Variants in SH3RF3 observed in about 807,000 individuals in gnomAD.
SH3RF3 encodes SH3 domain containing ring finger 3.
Under a neutral mutation model 66.3 loss-of-function variants are expected in SH3RF3, and 29 were observed. The observed-to-expected ratio is 0.44, with a 90% CI of 0.33 to 0.60. The LOEUF (loss-of-function observed/expected upper bound fraction) is 0.60, where lower values mean the gene tolerates loss of function less well. Ranked by LOEUF, SH3RF3 falls within the 20% of genes least tolerant of loss-of-function variation. The probability of loss-of-function intolerance (pLI) is 0.04; values close to 1 mark genes in which losing one functional copy is unlikely to be tolerated. For synonymous variants in SH3RF3, 583 were observed against 532.0 expected (o/e 1.10, Z -1.32); for missense variants, 1,194 against 1,190.9 (o/e 1.00, Z -0.04).
chr2:109,360,678 A>G (rs534469643), intron 2 of SH3RF3, among the ~76,000 whole-genome samples: 4 of 152,338 alleles, frequency 2.6e-5, no homozygotes, highest in Non-Finnish European at 4.4e-5. Flanking sequence ...GTATCCTGCA[A>G]CCTTGCTATA....
At chr2:109,387,189 T>C (rs182596889) in intron 3 of SH3RF3, among the ~76,000 whole-genome samples, 69 of 152,348 alleles carry the variant, frequency 4.5e-4, no homozygotes, top group African/African-American at 1.6e-3. Flanking sequence ...GATTGCGCTG[T>C]ATCAGTATTT....
At chr2:109,392,035 C>T (rs780687429) in intron 3 of SH3RF3, among the ~76,000 whole-genome samples, 2 of 151,990 alleles carry the variant, frequency 1.3e-5, no homozygotes, top group Non-Finnish European at 2.9e-5. Context: ...AGGCTGATCT[C>T]GAACTCCTGG....
intron 1 of SH3RF3, among the ~76,000 whole-genome samples, chr2:109,147,042 T>C (rs1677117763): frequency 6.6e-6 from 1 of 152,018 alleles, no homozygotes; most frequent in African/African-American, 2.4e-5. Flanking sequence ...AAGTAGAGGC[T>C]CTGCCCTCCC....
intron 8 of SH3RF3, among the ~76,000 whole-genome samples, chr2:109,476,495 A>G (rs1368114861): frequency 6.6e-6 from 1 of 152,242 alleles, no homozygotes; most frequent in Non-Finnish European, 1.5e-5. Context: ...CTAGAACCCA[A>G]GATATTTGGA....
At chr2:109,271,348 C>G (rs1282529374) in intron 1 of SH3RF3, among the ~76,000 whole-genome samples, 2 of 152,172 alleles carry the variant, frequency 1.3e-5, no homozygotes, top group South Asian at 2.1e-4. Flanking sequence ...CCAGGAGGAA[C>G]CTAGAGGGAT....
At chr2:109,414,335 A>G (rs1676669110) in intron 4 of SH3RF3, among the ~76,000 whole-genome samples, 1 of 152,120 alleles carries the variant, frequency 6.6e-6, no homozygotes, top group East Asian at 1.9e-4. Context: ...CCACAACCCC[A>G]TCTTCTCATG....
intron 2 of SH3RF3, among the ~76,000 whole-genome samples, chr2:109,360,528 A>T (rs1346397043): frequency 6.6e-6 from 1 of 152,240 alleles, no homozygotes. Flanking sequence ...TCCCATACCC[A>T]AGATATCTCA....
At chr2:109,138,215 GA>G (rs1445243180) in intron 1 of SH3RF3, among the ~76,000 whole-genome samples, 1 of 152,174 alleles carries the variant, frequency 6.6e-6, no homozygotes, top group East Asian at 1.9e-4. Context: ...TTTTAGTAGA[GA>G]GGGGGTTTCA....
intron 1 of SH3RF3, among the ~76,000 whole-genome samples, chr2:109,258,382 C>T (rs967646545): frequency 2.6e-5 from 4 of 152,276 alleles, no homozygotes; most frequent in Non-Finnish European, 2.9e-5. Context: ...CTAGTGCAGC[C>T]GGGTTTTCTG....
intron 6 of SH3RF3, among the ~76,000 whole-genome samples, chr2:109,436,555 C>A (rs1446127890): frequency 6.6e-6 from 1 of 152,248 alleles, no homozygotes; most frequent in African/African-American, 2.4e-5. Context: ...ACTGAGTCAT[C>A]TGTTCTTTCT....
At chr2:109,242,535 G>A (rs1261821689) in intron 1 of SH3RF3, among the ~76,000 whole-genome samples, 1 of 152,172 alleles carries the variant, frequency 6.6e-6, no homozygotes, top group Admixed American at 6.5e-5. Context: ...ATGGCAACAA[G>A]GCCAAGTGGG....
At chr2:109,290,744 C>T (rs1241806466) in intron 1 of SH3RF3, among the ~76,000 whole-genome samples, 1 of 152,254 alleles carries the variant, frequency 6.6e-6, no homozygotes, top group Non-Finnish European at 1.5e-5. Context: ...GCTGCTGTTA[C>T]ACCCATACCT....
At chr2:109,190,084 T>C (rs1230887396) in intron 1 of SH3RF3, among the ~76,000 whole-genome samples, 2 of 152,258 alleles carry the variant, frequency 1.3e-5, no homozygotes, top group East Asian at 3.8e-4. Flanking sequence ...TTTAAACTTT[T>C]CCCGTGATCA....
intron 3 of SH3RF3, among the ~76,000 whole-genome samples, chr2:109,377,765 TTGATGCAGCAAC>T (rs1410988699): frequency 2.0e-5 from 3 of 152,184 alleles, no homozygotes; most frequent in African/African-American, 7.2e-5. Context: ...TAAGCCTTGG[TTGATGCAGCAAC>T]ATCAAGCTCA....
At chr2:109,385,154 T>G (rs975065805) in intron 3 of SH3RF3, among the ~76,000 whole-genome samples, 4 of 152,226 alleles carry the variant, frequency 2.6e-5, no homozygotes, top group African/African-American at 9.6e-5. Context: ...GAGCAGAAGC[T>G]CTGGCTCTCT....
At chr2:109,167,771 C>G (rs1197004782) in intron 1 of SH3RF3, among the ~76,000 whole-genome samples, 1 of 152,086 alleles carries the variant, frequency 6.6e-6, no homozygotes, top group East Asian at 1.9e-4. Flanking sequence ...TGGGATTGCG[C>G]CATGTTAGCC....
At chr2:109,268,238 A>C (rs1680543189) in intron 1 of SH3RF3, among the ~76,000 whole-genome samples, 1 of 151,534 alleles carries the variant, frequency 6.6e-6, no homozygotes, top group Admixed American at 6.6e-5. Context: ...GTGGAATGGA[A>C]AACCCTGAGC....
chr2:109,361,041 T>A (rs891968544), intron 2 of SH3RF3, among the ~76,000 whole-genome samples: 6 of 152,216 alleles, frequency 3.9e-5, no homozygotes, highest in African/African-American at 1.4e-4. Context: ...TGAATGGGTA[T>A]TGGATTTTGT....
intron 7 of SH3RF3, among the ~76,000 whole-genome samples, chr2:109,438,956 G>A (rs1245326259): frequency 6.6e-6 from 1 of 152,186 alleles, no homozygotes; most frequent in African/African-American, 2.4e-5. Flanking sequence ...GCACTAGAAA[G>A]GGTGAGTGGC....
Sources: gnomAD v4.1 joint callset for allele counts (sites outside exome capture counted in the v4.1 genomes callset) on GRCh38, gnomAD v4.1.1 for gene constraint, MANE v1.5 for transcripts, NCBI Gene and HGNC (gene_info 2026-07-23, HGNC 2026-07-21) for gene names.